RPS6KA2: variants seen among roughly 807,000 people sequenced by gnomAD.
The protein encoded by RPS6KA2 is ribosomal protein S6 kinase A2, also known as ribosomal protein S6 kinase alpha-2.
In RPS6KA2, 42 loss-of-function variants were observed where a neutral mutation model predicts 91.8. The observed-to-expected ratio is 0.46, with a 90% CI of 0.36 to 0.59. RPS6KA2 has a LOEUF of 0.59. Ranked by LOEUF, RPS6KA2 falls within the 20% of genes least tolerant of loss-of-function variation. RPS6KA2 has a pLI of 0.00. For missense variants in RPS6KA2, 798 were observed against 978.5 expected (o/e 0.82, Z 2.46); for synonymous variants, 414 against 393.6 (o/e 1.05, Z -0.61).
At chr6:166,647,860 A>T (rs1454887628) in intron 2 of RPS6KA2, among the ~76,000 whole-genome samples, 3 of 119,068 alleles carry the variant, frequency 2.5e-5, no homozygotes, top group Admixed American at 8.1e-5. Context: ...GCACATGCTC[A>T]TACACACATG....
Position 166,770,468 on chromosome 6 carries a change from C to A in RPS6KA2, c.123+87732G>T, listed in dbSNP as rs1249330802. ...AGCACCCCCACGTTTGCCTCGCTGC[C>A]ATGGCTCCCTTCTGCCGCTGGTAAT... On this transcript the variant is annotated intron_variant, in intron 2 of 21. Coordinates refer to the RPS6KA2 transcript ENST00000503859. The surrounding 1 kb of genome is among the most constrained non-coding windows in gnomAD (Gnocchi z 5.1). 6.6e-6 allele frequency among the ~76,000 whole-genome samples: 1 copy of A among 152,192 alleles called. No homozygotes were observed. The highest frequency in any genetic ancestry group is 1.5e-5 in the Non-Finnish European group (1 of 68,038).
At chr6:166,538,332 C>T (rs139008843) in intron 2 of RPS6KA2, among the ~76,000 whole-genome samples, 2 of 152,174 alleles carry the variant, frequency 1.3e-5, no homozygotes, top group African/African-American at 4.8e-5. Flanking sequence ...TTGGGGAAAA[C>T]AGCTGCTAGA....
chr6:166,564,866 C>T (rs185081713), intron 1 of RPS6KA2, among the ~76,000 whole-genome samples: 21 of 152,308 alleles, frequency 1.4e-4, no homozygotes, highest in African/African-American at 4.3e-4. Context: ...GGCCAGATCC[C>T]ATTTCAAGGG....
At chr6:166,857,306 T>C (rs1208375020) in intron 2 of RPS6KA2, among the ~76,000 whole-genome samples, 1 of 152,242 alleles carries the variant, frequency 6.6e-6, no homozygotes, top group Admixed American at 6.5e-5. Flanking sequence ...GGCATGTGGC[T>C]GAGCGACTCA....
intron 16 of RPS6KA2, among the ~76,000 whole-genome samples, chr6:166,428,299 T>G (rs1386040814): frequency 6.8e-6 from 1 of 147,502 alleles, no homozygotes; most frequent in East Asian, 2.0e-4. Context: ...ATACAAAAAT[T>G]AATTCAAGAT....
chr6:166,761,140 T>G (rs947486357), intron 2 of RPS6KA2, among the ~76,000 whole-genome samples: 9 of 152,192 alleles, frequency 5.9e-5, no homozygotes, highest in South Asian at 4.1e-4. Flanking sequence ...CTCGGCTCAC[T>G]GCAACCTCCG....
At chr6:166,838,221 G>T (rs1780370179) in intron 2 of RPS6KA2, among the ~76,000 whole-genome samples, 1 of 150,684 alleles carries the variant, frequency 6.6e-6, no homozygotes, top group Non-Finnish European at 1.5e-5. Flanking sequence ...GTACAATTGA[G>T]CTATAATTGA....
At chr6:166,667,480 G>T (rs1230603082) in intron 2 of RPS6KA2, among the ~76,000 whole-genome samples, 1 of 152,194 alleles carries the variant, frequency 6.6e-6, no homozygotes, top group South Asian at 2.1e-4. Context: ...TTGATACCTT[G>T]TGCCTGCCTT....
At chr6:166,763,557 G>A (rs1246175746) in intron 2 of RPS6KA2, among the ~76,000 whole-genome samples, 2 of 152,200 alleles carry the variant, frequency 1.3e-5, no homozygotes, top group African/African-American at 2.4e-5. Flanking sequence ...ATTCTATAAC[G>A]ATTTACCAAA....
intron 6 of RPS6KA2, among the ~76,000 whole-genome samples, chr6:166,501,566 A>T (rs1293156229): frequency 6.6e-6 from 1 of 152,174 alleles, no homozygotes. Context: ...CATGTGCCGG[A>T]CGTGACAGTT....
chr6:166,592,442 G>A (rs1461253134), intron 1 of RPS6KA2, among the ~76,000 whole-genome samples: 3 of 152,182 alleles, frequency 2.0e-5, no homozygotes, highest in African/African-American at 7.2e-5. Context: ...CTTTACATAA[G>A]GGAACTAGGA....
chr6:166,629,891 G>A (rs993276517), upstream of RPS6KA2, among the ~76,000 whole-genome samples: 1 of 152,198 alleles, frequency 6.6e-6, no homozygotes, highest in South Asian at 2.1e-4. Context: ...ATCTGGCACT[G>A]TGGTGGTCAT....
At chr6:166,819,049 A>G (rs1779839016) in intron 2 of RPS6KA2, among the ~76,000 whole-genome samples, 1 of 151,992 alleles carries the variant, frequency 6.6e-6, no homozygotes, top group Admixed American at 6.6e-5. Flanking sequence ...CAGTGGACAG[A>G]GCTGGGAATT....
rs1779908310 is a variant in RPS6KA2 at position 166,451,300 on chromosome 6, G to A, written c.1076-67C>T. ...GGTGACCCTGGGGTGAAGTGATAGT[G>A]TGTGTGTGCATGTGGTATGTGTGTG... On this transcript the variant is annotated intron_variant, in intron 12 of 20. Transcript: ENST00000265678. 6 of 1,579,672 alleles carry A rather than the reference G, an allele frequency of 3.8e-6. No homozygotes were observed. The South Asian group carries it at 6.7e-5, about 18-fold the overall frequency.
chr6:166,544,466 T>C (rs1305098466), intron 1 of RPS6KA2: 2 of 152,180 alleles, frequency 1.3e-5, no homozygotes, highest in Non-Finnish European at 1.5e-5. Flanking sequence ...AGTGAACACA[T>C]GCCACCCATG....
rs1188191915 is a variant in RPS6KA2 at position 166,495,077 on chromosome 6, G to A, written c.747+3431C>T. Among the ~76,000 whole-genome samples, 2 of 152,246 alleles carry A rather than the reference G, an allele frequency of 1.3e-5. No individual in the cohort carries two copies. Among genetic ancestry groups the A allele is most frequent in the Non-Finnish European group, 2.9e-5 (2 of 68,036 alleles). ...TTGCCTGTGTGCAGCCAGTCACCAC[G>A]TGGGCGGGCGGCACTAAATGAGAAT... On this transcript the variant is annotated intron_variant, in intron 8 of 20. Coordinates refer to ENST00000265678, the MANE Select transcript of RPS6KA2 (RefSeq NM_021135.6). The surrounding 1 kb of genome is among the most constrained non-coding windows in gnomAD (Gnocchi z 4.4).
chr6:166,824,637 CTGTATGTCTGTGTGTGT>C, intron 2 of RPS6KA2, among the ~76,000 whole-genome samples: 12 of 91,564 alleles, frequency 1.3e-4, no homozygotes, highest in Admixed American at 3.9e-4. Context: ...ATGTGGGTGT[CTGTATGTCTGTGTGTGT>C]GTGTGTGTCT....
chr6:166,621,011 G>C (rs755384486), intron 1 of RPS6KA2, among the ~76,000 whole-genome samples: 1 of 152,184 alleles, frequency 6.6e-6, no homozygotes, highest in South Asian at 2.1e-4. Context: ...CTACCTCCAC[G>C]GGGCAAGGCA....
intron 2 of RPS6KA2, among the ~76,000 whole-genome samples, chr6:166,762,290 C>T (rs1012008584): frequency 6.6e-6 from 1 of 152,172 alleles, no homozygotes; most frequent in Non-Finnish European, 1.5e-5. Context: ...CTCTCTTTAC[C>T]GCTCAGCCAT....
Sources: allele counts gnomAD v4.1 joint callset (sites outside exome capture counted in the v4.1 genomes callset), GRCh38; gene constraint gnomAD v4.1.1; non-coding constraint Gnocchi (gnomAD v3.1); transcripts MANE v1.5; gene names NCBI Gene and HGNC (gene_info 2026-07-23, HGNC 2026-07-21).